The following NWD1 variants were observed in gnomAD, a reference collection of about 807,000 sequenced individuals.
NWD1 encodes NACHT and WD repeat domain containing 1.
In NWD1, 129 loss-of-function variants were observed where a neutral mutation model predicts 135.1. The ratio of observed to expected loss-of-function variants is 0.96; its 90% CI spans 0.83 to 1.11. NWD1 has a LOEUF of 1.11. Ranked by LOEUF, NWD1 falls within the 50% of genes least tolerant of loss-of-function variation. NWD1 has a pLI of 0.00. For synonymous variants in NWD1, 773 were observed against 786.0 expected (o/e 0.98, Z 0.28); for missense variants, 1,740 against 1,851.3 (o/e 0.94, Z 1.10).
chr19:16,737,815 A>T (rs950806643), intron 4 of NWD1, among the ~76,000 whole-genome samples: 3 of 151,720 alleles, frequency 2.0e-5, no homozygotes, highest in Non-Finnish European at 4.4e-5. Flanking sequence ...CTACTAAAAA[A>T]TTAGCTGGGC....
Position 16,744,725 on chromosome 19 carries a change from C to T in NWD1, c.496+7C>T. Reference sequence around the variant, plus strand: ...CAGCACTACCACCGGTCAGGTGAGGCCGCAGGGACTCCCCTCTGGAGACCC... The same window carrying T: ...CAGCACTACCACCGGTCAGGTGAGGTCGCAGGGACTCCCCTCTGGAGACCC... On this transcript the variant is annotated splice_region_variant and intron_variant, in intron 5 of 18. Coordinates refer to ENST00000524140, the MANE Select transcript of NWD1 (RefSeq NM_001007525.5). The T allele has an allele frequency of 1.3e-6, 2 of 1,534,778 alleles. No individual in the cohort carries two copies. Among genetic ancestry groups the T allele is most frequent in the South Asian group, 1.2e-5 (1 of 84,024 alleles).
chr19:16,745,109 C>G (rs1433022323), intron 5 of NWD1: 1 of 463,742 alleles, frequency 2.2e-6, no homozygotes, highest in Non-Finnish European at 4.3e-6. Flanking sequence ...TGGCTGAAGG[C>G]AAAGGAGAAG....
In NWD1 at chr19:16,744,654, A is replaced by C. The variant is rs1467276746; in HGVS notation, c.432A>C (p.Gly144=). The part of the protein sequence containing the change: ...EATLTSVLRS[G]AQEARRLGLI... ...CCTTAACTTCTGTCCTACGCTCTGGAGCCCAGGAGGCCCGGAGGCTGGGGC... is the reference window on the plus strand; with the variant it reads ...CCTTAACTTCTGTCCTACGCTCTGGCGCCCAGGAGGCCCGGAGGCTGGGGC... Residue 144 remains glycine, a synonymous_variant, in exon 5 of 19, where the codon GGA becomes GGC. Transcript: ENST00000524140. 1 of 1,535,816 alleles carries C rather than the reference A, an allele frequency of 6.5e-7. No homozygotes were observed. The highest frequency in any genetic ancestry group is 8.7e-7 in the Non-Finnish European group (1 of 1,146,822).
rs770745124 is a variant in NWD1 at position 16,749,867 on chromosome 19, G to A, written c.1225G>A (p.Ala409Thr). The change falls in exon 6 of 19, where the codon GCC (alanine) becomes ACC (threonine). Residue 409 changes from alanine to threonine, a missense_variant. Coordinates refer to ENST00000524140, the MANE Select transcript of NWD1 (RefSeq NM_001007525.5). Reference sequence around the variant, plus strand: ...CTTGCCCCCTGCCCAGGTTCTGGACGCCCACACCAGGGTGGTCCAGTTTTT... The same window carrying A: ...CTTGCCCCCTGCCCAGGTTCTGGACACCCACACCAGGGTGGTCCAGTTTTT... ...LPLPPAQVLD[A>T]HTRVVQFFHT... 2.3e-5 allele frequency: 37 copies of A among 1,613,194 alleles called. No homozygotes were observed. The highest frequency in any genetic ancestry group is 2.7e-5 in the Non-Finnish European group (32 of 1,179,944).
intron 3 of NWD1, among the ~76,000 whole-genome samples, chr19:16,732,564 A>C (rs1215786540): frequency 6.9e-6 from 1 of 144,542 alleles, no homozygotes; most frequent in East Asian, 2.0e-4. Context: ...AGGAGCCCCT[A>C]ATGCTGTCTC....
chr19:16,744,995 G>A, intron 5 of NWD1: 1 of 618,526 alleles, frequency 1.6e-6, no homozygotes, highest in Non-Finnish European at 3.0e-6. Flanking sequence ...GTATTAGTCT[G>A]TTCTCATGCC....
At chr19:16,760,740 G>A (rs1023827584) in intron 7 of NWD1, among the ~76,000 whole-genome samples, 1 of 151,928 alleles carries the variant, frequency 6.6e-6, no homozygotes, top group Non-Finnish European at 1.5e-5. Context: ...ACAAGCATGA[G>A]CCACCACACC....
intron 6 of NWD1, among the ~76,000 whole-genome samples, chr19:16,756,938 C>T (rs1419836920): frequency 6.6e-6 from 1 of 152,152 alleles, no homozygotes. Flanking sequence ...TATGAGGGAT[C>T]TAGGTTGCTT....
intron 17 of NWD1, among the ~76,000 whole-genome samples, chr19:16,807,080 C>T (rs1349674228): frequency 2.0e-5 from 3 of 150,124 alleles, no homozygotes; most frequent in East Asian, 4.0e-4. Flanking sequence ...CTCAGCTACT[C>T]AGGAGGCTGA....
At chr19:16,767,765 G>C (rs1203402328) in intron 10 of NWD1, among the ~76,000 whole-genome samples, 2 of 151,964 alleles carry the variant, frequency 1.3e-5, no homozygotes, top group African/African-American at 4.8e-5. Context: ...TGAGATTTGG[G>C]TAGGGACACA....
At chr19:16,799,480 C>A (rs1182089130) in intron 16 of NWD1, among the ~76,000 whole-genome samples, 1 of 151,996 alleles carries the variant, frequency 6.6e-6, no homozygotes, top group Non-Finnish European at 1.5e-5. Context: ...AGGTGTGAGC[C>A]ACTGCACCTG....
At chr19:16,791,246 A>G in intron 13 of NWD1, 104 bp from the exon 14 acceptor site, 1 of 1,026,700 alleles carries the variant, frequency 9.7e-7, no homozygotes. Context: ...AAAGAAAAGA[A>G]AATGCATAAA....
intron 12 of NWD1, among the ~76,000 whole-genome samples, chr19:16,783,495 G>C (rs1209716973): frequency 6.6e-6 from 1 of 151,956 alleles, no homozygotes; most frequent in African/African-American, 2.4e-5. Flanking sequence ...TTAGCCGGGC[G>C]TGGTGATATA....
Position 16,786,181 on chromosome 19 carries a change from C to CT in NWD1, c.2732-2791dup, listed in dbSNP as rs67953014. Among the ~76,000 whole-genome samples the CT allele has an allele frequency of 2.0e-4, 30 of 147,868 alleles. No homozygotes were observed. The East Asian group carries it at 3.0e-3, about 15-fold the overall frequency. On this transcript the variant is annotated intron_variant, in intron 12 of 18. Coordinates refer to ENST00000524140, the MANE Select transcript of NWD1 (RefSeq NM_001007525.5). ...TGCCAGCCTATTTTTATTATTTTTACTTTTTTTTTTAGAGACAGGGACTCA... is the reference window on the plus strand; with the variant it reads ...TGCCAGCCTATTTTTATTATTTTTACTTTTTTTTTTTAGAGACAGGGACTCA...
chr19:16,801,057 C>T (rs1970588531), intron 17 of NWD1, among the ~76,000 whole-genome samples: 1 of 152,094 alleles, frequency 6.6e-6, no homozygotes, highest in South Asian at 2.1e-4. Flanking sequence ...GCAGGCAGAT[C>T]ACTTGAGGTC....
intron 2 of NWD1, 107 bp from the exon 3 acceptor site, chr19:16,731,085 A>C (rs1413533843): frequency 3.2e-6 from 2 of 622,638 alleles, no homozygotes; most frequent in Non-Finnish European, 5.5e-6. Context: ...TCTCCACAAA[A>C]AAGGGGAAAA....
At chr19:16,759,088 C>T in intron 6 of NWD1, 137 bp from the exon 7 acceptor site, 1 of 682,872 alleles carries the variant, frequency 1.5e-6, no homozygotes, top group Admixed American at 2.2e-5. Flanking sequence ...ACCTTGTGGG[C>T]GCTGTCCAAA....
chr19:16,737,782 G>A (rs1967884446), intron 4 of NWD1, among the ~76,000 whole-genome samples: 3 of 151,654 alleles, frequency 2.0e-5, no homozygotes, highest in Non-Finnish European at 2.9e-5. Context: ...GACCAGCCTG[G>A]GCAACATAGT....
intron 17 of NWD1, among the ~76,000 whole-genome samples, chr19:16,802,947 CAAA>C (rs59153702): frequency 2.8e-4 from 23 of 81,872 alleles, no homozygotes; most frequent in Non-Finnish European, 3.2e-4. Context: ...GACTCTGTCT[CAAA>C]AAAAAAAAAA....
Sources: gnomAD v4.1 joint callset for allele counts (sites outside exome capture counted in the v4.1 genomes callset) on GRCh38, gnomAD v4.1.1 for gene constraint, MANE v1.5 for transcripts, NCBI Gene and HGNC (gene_info 2026-07-23, HGNC 2026-07-21) for gene names.